Variants in RAB11FIP4 observed in about 807,000 individuals in gnomAD.
The protein encoded by RAB11FIP4 is RAB11 family interacting protein 4, also known as rab11 family-interacting protein 4.
RAB11FIP4 carries 23 observed loss-of-function variants against 74.3 expected under a neutral mutation model. The ratio of observed to expected loss-of-function variants is 0.31; its 90% CI spans 0.22 to 0.44. The LOEUF (loss-of-function observed/expected upper bound fraction) is 0.44. Ranked by LOEUF, RAB11FIP4 falls within the 20% of genes least tolerant of loss-of-function variation. The pLI is 1.00. For missense variants in RAB11FIP4, 630 were observed against 863.9 expected (o/e 0.73, Z 3.39); for synonymous variants, 360 against 359.9 (o/e 1.00, Z 0.00).
chr17:31,436,754 TTTTTTTTTTG>T (rs869238274), intron 3 of RAB11FIP4, among the ~76,000 whole-genome samples: 6 of 32,440 alleles, frequency 1.8e-4, no homozygotes, highest in African/African-American at 3.7e-4. Flanking sequence ...TTGTTTTTTG[TTTTTTTTTTG>T]TTTTTTTTTG....
In RAB11FIP4 at chr17:31,452,346, C is replaced by T. The variant is rs148977609; in HGVS notation, c.336+18224C>T. Among the ~76,000 whole-genome samples, 114 of 152,282 alleles carry T rather than the reference C, an allele frequency of 7.5e-4. No homozygotes were observed. The Middle Eastern group carries it at 0.014, about 18-fold the overall frequency. ...TTGTCAGGGAGGGATGGGCTCCCACCTAGGAGTCTCCGAGGACCAGCTCAA... is the reference window on the plus strand; with the variant it reads ...TTGTCAGGGAGGGATGGGCTCCCACTTAGGAGTCTCCGAGGACCAGCTCAA... On this transcript the variant is annotated intron_variant, in intron 3 of 14. Transcript: ENST00000621161.
chr17:31,401,929 C>T (rs1056586946), intron 1 of RAB11FIP4, among the ~76,000 whole-genome samples: 1 of 152,154 alleles, frequency 6.6e-6, no homozygotes, highest in Admixed American at 6.5e-5. Context: ...CCTAGAGTTC[C>T]ATCTGCTCAC....
intron 3 of RAB11FIP4, among the ~76,000 whole-genome samples, chr17:31,492,217 C>A (rs1485840931): frequency 6.6e-6 from 1 of 152,226 alleles, no homozygotes; most frequent in Non-Finnish European, 1.5e-5. Flanking sequence ...CTCCCTCTGC[C>A]TGTGGCAGGC....
intron 3 of RAB11FIP4, chr17:31,488,499 G>T (rs1020746273): frequency 8.4e-6 from 3 of 355,792 alleles, no homozygotes; most frequent in East Asian, 9.3e-5. Context: ...TAGGAAGGGG[G>T]CTCGTCTGCT....
Position 31,525,141 on chromosome 17 carries a change from G to A in RAB11FIP4, c.1185G>A (p.Gln395=). 2.6e-6 allele frequency: 4 copies of A among 1,550,098 alleles called. No individual in the cohort carries two copies. Among genetic ancestry groups the A allele is most frequent in the Non-Finnish European group, 3.5e-6 (4 of 1,147,030 alleles). Residue 395 remains glutamine (Q), a synonymous_variant, in exon 10 of 15, where the codon CAG becomes CAA. Transcript: ENST00000621161. ...AGGATCAGGAGACCACGGCCGAGCAGGCTCTGGAGGAGGAGGCGCGGCGCC... is the reference window on the plus strand; with the variant it reads ...AGGATCAGGAGACCACGGCCGAGCAAGCTCTGGAGGAGGAGGCGCGGCGCC... ...MVKDQETTAE[Q]ALEEEARRHR...
In RAB11FIP4 at chr17:31,528,513, G is replaced by T. The variant is rs755607932; in HGVS notation, c.1464G>T (p.Glu488Asp). ...MMDKLRQNRL[E>D]FQKEREATQE... ...ACAAGCTGCGACAGAACCGCCTTGA[G>T]TTCCAGAAGGAGCGGGAGGCGACGC... is the stretch of plus-strand genomic sequence containing the variant. Residue 488 changes from glutamate to aspartate, a missense_variant, in exon 12 of 15, where the codon GAG becomes GAT. By Grantham distance (45) the Glu-to-Asp change is conservative. Coordinates refer to ENST00000621161, the MANE Select transcript of RAB11FIP4 (RefSeq NM_032932.6). The T allele has an allele frequency of 2.5e-6, 4 of 1,613,936 alleles. No homozygotes were observed. The highest frequency in any genetic ancestry group is 1.6e-4 in the Middle Eastern group (1 of 6,062).
At chr17:31,394,943 G>A (rs921862975) in intron 1 of RAB11FIP4, among the ~76,000 whole-genome samples, 17 of 139,408 alleles carry the variant, frequency 1.2e-4, no homozygotes, top group East Asian at 1.0e-3. Context: ...GGGGGCGGGG[G>A]GGGGGGGCTC....
rs1261580894 is a variant in RAB11FIP4 at position 31,512,303 on chromosome 17, G to A, written c.337-5348G>A. On this transcript the variant is annotated intron_variant, in intron 3 of 14. Coordinates refer to ENST00000621161, the MANE Select transcript of RAB11FIP4 (RefSeq NM_032932.6). The surrounding 1 kb of genome is among the most constrained non-coding windows in gnomAD (Gnocchi z 4.1). ...GCTGCCACTGAGGTGGAGTTGACTG[G>A]CCCCATTCTGTAGGTGAGGAGCCAG... Among the ~76,000 whole-genome samples the A allele has an allele frequency of 2.0e-5, 3 of 152,134 alleles. No homozygotes were observed. The highest frequency in any genetic ancestry group is 4.8e-5 in the African/African-American group (2 of 41,432).
At chr17:31,503,654 A>G (rs2072262473) in intron 3 of RAB11FIP4, among the ~76,000 whole-genome samples, 1 of 149,766 alleles carries the variant, frequency 6.7e-6, no homozygotes, top group South Asian at 2.1e-4. Flanking sequence ...AGGCCGGATC[A>G]TTCTTATGAC....
chr17:31,392,117 TC>T (rs1024496963), intron 1 of RAB11FIP4, 106 bp downstream of exon 1: 4 of 742,014 alleles, frequency 5.4e-6, no homozygotes, highest in Middle Eastern at 5.0e-4. Flanking sequence ...GGCGGTGGCC[TC>T]CCTCCCAATC....
At chr17:31,417,379 G>A (rs558337236) in intron 1 of RAB11FIP4, among the ~76,000 whole-genome samples, 65 of 152,106 alleles carry the variant, frequency 4.3e-4, no homozygotes, top group Non-Finnish European at 8.7e-4. Context: ...GAGTCTCCAG[G>A]TGCCCAGACC....
intron 1 of RAB11FIP4, among the ~76,000 whole-genome samples, chr17:31,417,050 C>T (rs1215906628): frequency 6.6e-6 from 1 of 151,738 alleles, no homozygotes; most frequent in African/African-American, 2.4e-5. Context: ...CCCCAGACCC[C>T]CTGCGTTTGC....
chr17:31,417,408 C>T (rs2071158748), intron 1 of RAB11FIP4, among the ~76,000 whole-genome samples: 1 of 152,184 alleles, frequency 6.6e-6, no homozygotes, highest in South Asian at 2.1e-4. Flanking sequence ...TCTTTGTAGG[C>T]CCCTCTCACC....
At chr17:31,498,055 C>T (rs2072149887) in intron 3 of RAB11FIP4, among the ~76,000 whole-genome samples, 1 of 152,098 alleles carries the variant, frequency 6.6e-6, no homozygotes, top group African/African-American at 2.4e-5. Flanking sequence ...CAGAGCATGT[C>T]CTGAGGCTGA....
At chr17:31,511,988 A>G (rs2072460285) in intron 3 of RAB11FIP4, among the ~76,000 whole-genome samples, 1 of 152,160 alleles carries the variant, frequency 6.6e-6, no homozygotes, top group Non-Finnish European at 1.5e-5. Context: ...GTAGGGGTGC[A>G]GGGGATGCAG....
chr17:31,448,508 AG>A (rs1041320714), intron 3 of RAB11FIP4: 2 of 151,238 alleles, frequency 1.3e-5, no homozygotes, highest in African/African-American at 4.9e-5. Context: ...CTGGGATTAC[AG>A]TCATGAGCAA....
chr17:31,430,828 C>T (rs1056260704), intron 1 of RAB11FIP4, among the ~76,000 whole-genome samples: 1 of 152,028 alleles, frequency 6.6e-6, no homozygotes, highest in African/African-American at 2.4e-5. Context: ...CTGTGGGATA[C>T]AGTGGGAGCA....
intron 3 of RAB11FIP4, among the ~76,000 whole-genome samples, chr17:31,475,662 T>C (rs911081449): frequency 3.3e-4 from 50 of 152,314 alleles, no homozygotes; most frequent in Admixed American, 1.6e-3. Context: ...GTGGTGAAGA[T>C]GTGAGTTGCC....
chr17:31,531,187 G>A (rs1043849198), intron 14 of RAB11FIP4: 9 of 168,424 alleles, frequency 5.3e-5, no homozygotes, highest in African/African-American at 1.7e-4. Context: ...AGCAATGTCC[G>A]AAAGAACACT....
Sources: allele counts gnomAD v4.1 joint callset (sites outside exome capture counted in the v4.1 genomes callset), GRCh38; gene constraint gnomAD v4.1.1; non-coding constraint Gnocchi (gnomAD v3.1); transcripts MANE v1.5; gene names NCBI Gene and HGNC (gene_info 2026-07-23, HGNC 2026-07-21).